Variants in FMNL3 observed in about 807,000 individuals in gnomAD.
FMNL3 encodes formin like 3.
FMNL3 carries 57 observed loss-of-function variants against 119.6 expected under a neutral mutation model. The observed-to-expected ratio is 0.48, with a 90% CI of 0.39 to 0.59. FMNL3 has a LOEUF of 0.59. Among genes scored for constraint, FMNL3 ranks in the 20% least tolerant of loss-of-function variants. The pLI is 0.00. For missense variants in FMNL3, 1,053 were observed against 1,323.5 expected (o/e 0.80, Z 3.17); for synonymous variants, 491 against 507.3 (o/e 0.97, Z 0.43).
chr12:49,654,157 A>G, intron 11 of FMNL3, 35 bp downstream of exon 11: 1 of 1,579,038 alleles, frequency 6.3e-7, no homozygotes, highest in Non-Finnish European at 8.7e-7. Flanking sequence ...CTGATCCCAA[A>G]GCACCTCACC....
At chr12:49,676,831 C>G (rs147969809) in intron 1 of FMNL3, among the ~76,000 whole-genome samples, 1 of 152,276 alleles carries the variant, frequency 6.6e-6, no homozygotes, top group African/African-American at 2.4e-5. Flanking sequence ...CCTCAGCAAA[C>G]TCCTACTTTT....
rs778014680 is a variant in FMNL3, at chr12:49,637,498, G to A, written c.*8317C>T. The A allele has an allele frequency of 2.6e-5, 42 of 1,613,442 alleles. No individual in the cohort carries two copies. The highest frequency in any genetic ancestry group is 3.6e-5 in the Non-Finnish European group (42 of 1,179,944). On this transcript the variant is annotated 3_prime_UTR_variant, in exon 26 of 26. Coordinates refer to ENST00000335154, the MANE Select transcript of FMNL3 (RefSeq NM_175736.5). Reference sequence around the variant, plus strand: ...TTCCTGGACGAGCTGCATGAGACAGGGCAGCTGCACTCTATGTCCACCTGG... The same window carrying A: ...TTCCTGGACGAGCTGCATGAGACAGAGCAGCTGCACTCTATGTCCACCTGG...
Position 49,643,545 on chromosome 12 carries a change from G to T in FMNL3, c.*2270C>A, listed in dbSNP as rs1400360294. 1 of 1,361,786 alleles carries T rather than the reference G, an allele frequency of 7.3e-7. No homozygotes were observed. The highest frequency in any genetic ancestry group is 9.9e-7 in the Non-Finnish European group (1 of 1,009,088). The allele number at this position is 1,361,786 out of a possible 1,614,324, so 84.4% of individuals were successfully genotyped here. Reference sequence around the variant, plus strand: ...GAAAGAACTTCCTCTACCTGCCCAAGCAAGAAGCTGGAGAAGGAAAACTGG... The same window carrying T: ...GAAAGAACTTCCTCTACCTGCCCAATCAAGAAGCTGGAGAAGGAAAACTGG... On this transcript the variant is annotated 3_prime_UTR_variant, in exon 26 of 26. Transcript: ENST00000335154.
At position 49,644,082 on chromosome 12, in the gene FMNL3, G is replaced by C; in HGVS notation, c.*1733C>G. 6.2e-7 allele frequency: 1 copy of C among 1,614,210 alleles called. No individual in the cohort carries two copies. Among genetic ancestry groups the C allele is most frequent in the Non-Finnish European group, 8.5e-7 (1 of 1,180,038 alleles). ...CCTTAGTGCAGGCTAAGGGTGAACT[G>C]TGCCTTTGCTCCAACAGACAGGCTG... On this transcript the variant is annotated 3_prime_UTR_variant, in exon 26 of 26. Coordinates refer to ENST00000335154, the MANE Select transcript of FMNL3 (RefSeq NM_175736.5).
At position 49,641,566 on chromosome 12, in the gene FMNL3, A is replaced by G. The variant is rs1478945046; in HGVS notation, c.*4249T>C. On this transcript the variant is annotated 3_prime_UTR_variant, in exon 26 of 26. Transcript: ENST00000335154. ...AGGGGCCAGCAAATGTTGATTGAGA[A>G]TGCATGGAAGCACTGCTGAGCAGCA... 3.3e-6 allele frequency: 1 copy of G among 299,046 alleles called. No homozygotes were observed. The highest frequency in any genetic ancestry group is 6.3e-6 in the Non-Finnish European group (1 of 158,892). 18.5% of individuals were successfully genotyped at this position (299,046 alleles called of 1,614,324 possible). A position where few individuals can be genotyped will look rare whatever the true frequency, so the allele number is the denominator to read the frequency against.
rs1943110780 is a variant in FMNL3 at position 49,645,025 on chromosome 12, C to G, written c.*790G>C. 1 of 150,632 alleles carries G rather than the reference C, an allele frequency of 6.6e-6. No individual in the cohort carries two copies. The highest frequency in any genetic ancestry group is 6.6e-5 in the Admixed American group (1 of 15,118). The allele number at this position is 150,632 out of a possible 1,614,324, so 9.3% of individuals were successfully genotyped here. On this transcript the variant is annotated 3_prime_UTR_variant, in exon 26 of 26. Coordinates refer to ENST00000335154, the MANE Select transcript of FMNL3 (RefSeq NM_175736.5). ...TGGTACATGTACAAAAAAGTGGGCCCCCACATTCCCTTCCAGGGGCAGAGG... is the reference window on the plus strand; with the variant it reads ...TGGTACATGTACAAAAAAGTGGGCCGCCACATTCCCTTCCAGGGGCAGAGG...
rs1458360854 is a variant in FMNL3, at chr12:49,642,542, G to A, written c.*3273C>T. 1.9e-6 allele frequency: 3 copies of A among 1,608,328 alleles called. No homozygotes were observed. In the South Asian group the frequency reaches 3.3e-5, roughly 18 times the overall value. On this transcript the variant is annotated 3_prime_UTR_variant, in exon 26 of 26. Transcript: ENST00000335154. The surrounding 1 kb of genome is among the most constrained non-coding windows in gnomAD (Gnocchi z 5.8). ...TGGCGGTGTCCAGGCCAGGCTGAGT[G>A]GGGCCTAGTCTGATCAGCAGTGCTC...
At chr12:49,706,003 C>CGGCCCTTCA (rs111839435) in intron 1 of FMNL3, among the ~76,000 whole-genome samples, 37,028 of 151,976 alleles carry the variant, frequency 0.24, 7,290 homozygotes, top group African/African-American at 0.56. Flanking sequence ...AAGGCAGAGT[C>CGGCCCTTCA]GGCCATACCA....
chr12:49,661,712 C>T (rs1943738751), intron 5 of FMNL3: 1 of 446,748 alleles, frequency 2.2e-6, no homozygotes, highest in Admixed American at 3.9e-5. Flanking sequence ...ATTCCAAGCT[C>T]CCTTTCCATC....
In FMNL3 at chr12:49,647,343, C is replaced by T. The variant is rs568201514; in HGVS notation, c.2804G>A (p.Arg935His). Residue 935 changes from arginine (R) to histidine (H), a missense_variant, in exon 24 of 26, where the codon CGC (arginine) becomes CAC (histidine). Coordinates refer to ENST00000335154, the MANE Select transcript of FMNL3 (RefSeq NM_175736.5). This position sits in a 1 kb window ranked among gnomAD's most constrained non-coding sequence, Gnocchi z 4.9. ...CCGCATTACCTCCTCCTGCTTCTTGCGGGCTTCATTCTCTTGTTCTGCTTC... is the reference window on the plus strand; with the variant it reads ...CCGCATTACCTCCTCCTGCTTCTTGTGGGCTTCATTCTCTTGTTCTGCTTC... ...YKEAEQENEA[R>H]KKQEEVMREK... 89 of 1,613,402 alleles carry T rather than the reference C, an allele frequency of 5.5e-5. No individual in the cohort carries two copies. In the East Asian group the frequency reaches 1.1e-3, roughly 20 times the overall value.
chr12:49,706,752 C>T lies in FMNL3; in HGVS notation c.126+303G>A, dbSNP rs114695006. On this transcript the variant is annotated intron_variant, in intron 1 of 25. Coordinates refer to ENST00000335154, the MANE Select transcript of FMNL3 (RefSeq NM_175736.5). The stretch of plus-strand genomic sequence containing the variant: ...GGAGCCTGGCGAAGAAGCGGGGAAA[C>T]GGGAAAAGGGCAGCAGAAGGGGGAG... Among the ~76,000 whole-genome samples the T allele has an allele frequency of 4.9e-3, 751 of 152,202 alleles. 5 individuals carry two copies. The highest frequency in any genetic ancestry group is 0.017 in the African/African-American group (689 of 41,546).
chr12:49,678,491 C>A lies in FMNL3; in HGVS notation c.127-9937G>T, dbSNP rs149182274. The stretch of plus-strand genomic sequence containing the variant: ...TATTATTTTTATTTTGAGACAGGGT[C>A]TCACTTTGTCATCCAGGCTGAAGTG... On this transcript the variant is annotated intron_variant, in intron 1 of 25. Coordinates refer to ENST00000335154, the MANE Select transcript of FMNL3 (RefSeq NM_175736.5). Among the ~76,000 whole-genome samples, 1,244 of 151,930 alleles carry A rather than the reference C, an allele frequency of 8.2e-3. 8 individuals are homozygous for A. The highest frequency in any genetic ancestry group is 0.021 in the Middle Eastern group (6 of 292).
In FMNL3 at chr12:49,645,115, A is replaced by C. The variant is rs1010079040; in HGVS notation, c.*700T>G. 17 of 151,522 alleles carry C rather than the reference A, an allele frequency of 1.1e-4. No homozygotes were observed. Among genetic ancestry groups the C allele is most frequent in the East Asian group, 5.8e-4 (3 of 5,174 alleles). 9.4% of individuals were successfully genotyped at this position (151,522 alleles called of 1,614,324 possible). Reference sequence around the variant, plus strand: ...TCCTTGTCCCCTGCCAAAAAAAAAAAAAAAAAAAAAAAAACCGTAGCTGAG... The same window carrying C: ...TCCTTGTCCCCTGCCAAAAAAAAAACAAAAAAAAAAAAAACCGTAGCTGAG... On this transcript the variant is annotated 3_prime_UTR_variant, in exon 26 of 26. Transcript: ENST00000335154.
rs777781587 is a variant in FMNL3, at chr12:49,647,330, C to G, written c.2817G>C (p.Glu939Asp). Residue 939 changes from glutamate to aspartate, a missense_variant, in exon 24 of 26, where the codon GAG becomes GAC. Coordinates refer to ENST00000335154, the MANE Select transcript of FMNL3 (RefSeq NM_175736.5). This position sits in a 1 kb window ranked among gnomAD's most constrained non-coding sequence, Gnocchi z 4.9. ...EQENEARKKQEEVMREKQLAQ... is the reference protein window; with the variant it reads ...EQENEARKKQDEVMREKQLAQ... ...CCAGCTGCTTCTCCCGCATTACCTC[C>G]TCCTGCTTCTTGCGGGCTTCATTCT... is the stretch of plus-strand genomic sequence containing the variant. 15 of 1,613,726 alleles carry G rather than the reference C, an allele frequency of 9.3e-6. No homozygotes were observed. Among genetic ancestry groups the G allele is most frequent in the African/African-American group, 2.7e-5 (2 of 74,936 alleles).
At position 49,693,635 on chromosome 12, in the gene FMNL3, GGTTTTTTTT is replaced by G. The variant is rs1277055135; in HGVS notation, c.126+13411_126+13419del. Among the ~76,000 whole-genome samples, 32 of 21,238 alleles carry G rather than the reference GGTTTTTTTT, an allele frequency of 1.5e-3. 5 individuals are homozygous for G. The highest frequency in any genetic ancestry group is 2.0e-3 in the African/African-American group (18 of 9,042). 13.9% of individuals were successfully genotyped at this position (21,238 alleles called of 152,430 possible). On this transcript the variant is annotated intron_variant, in intron 1 of 25. Coordinates refer to ENST00000335154, the MANE Select transcript of FMNL3 (RefSeq NM_175736.5). ...CCACCCGCCTCAGCCTCCCAATCTT[GGTTTTTTTT>G]TTTTTTTTTTTTTTTTTTTTTGAGA...
At chr12:49,654,135 G>A in intron 11 of FMNL3, 57 bp downstream of exon 11, 4 of 1,498,984 alleles carry the variant, frequency 2.7e-6, no homozygotes, top group Non-Finnish European at 3.7e-6. Context: ...AATCATTTGT[G>A]ATACGGCTAA....
rs941007820 is a variant in FMNL3, at chr12:49,642,705, T to G, written c.*3110A>C. The G allele has an allele frequency of 6.2e-7, 1 of 1,604,070 alleles. No homozygotes were observed. Among genetic ancestry groups the G allele is most frequent in the African/African-American group, 1.3e-5 (1 of 74,634 alleles). ...GGCAGGCTTGTCCTCTGGATCTGCCTCAGGCCCTTGAACTCATTAGACCAG... is the reference window on the plus strand; with the variant it reads ...GGCAGGCTTGTCCTCTGGATCTGCCGCAGGCCCTTGAACTCATTAGACCAG... On this transcript the variant is annotated 3_prime_UTR_variant, in exon 26 of 26. Transcript: ENST00000335154. This position sits in a 1 kb window ranked among gnomAD's most constrained non-coding sequence, Gnocchi z 5.8.
At chr12:49,694,709 G>A (rs1944704321) in intron 1 of FMNL3, among the ~76,000 whole-genome samples, 1 of 152,002 alleles carries the variant, frequency 6.6e-6, no homozygotes, top group Admixed American at 6.6e-5. Context: ...AGGAGTTCCA[G>A]GACCAGCCTG....
rs1158692296 is a variant in FMNL3 at position 49,636,723 on chromosome 12, C to A, written c.*9092G>T. 6.8e-6 allele frequency: 11 copies of A among 1,614,166 alleles called. No individual in the cohort carries two copies. The highest frequency in any genetic ancestry group is 9.3e-6 in the Non-Finnish European group (11 of 1,180,020). On this transcript the variant is annotated 3_prime_UTR_variant, in exon 26 of 26. Transcript: ENST00000335154. ...CCTCCTGCCTGTCTTTAGACATGGA[C>A]AAGGAAGATGCACTGATCTGTTTTG...
Sources: allele counts gnomAD v4.1 joint callset (sites outside exome capture counted in the v4.1 genomes callset), GRCh38; gene constraint gnomAD v4.1.1; non-coding constraint Gnocchi (gnomAD v3.1); transcripts MANE v1.5; gene names NCBI Gene and HGNC (gene_info 2026-07-23, HGNC 2026-07-21).